ANXA11: variants seen among roughly 807,000 people sequenced by gnomAD.
ANXA11 encodes 56 kDa autoantigen.
A neutral mutation model predicts 64.7 loss-of-function variants in ANXA11; 57 were observed. The ratio of observed to expected loss-of-function variants is 0.88; its 90% CI spans 0.71 to 1.10. The LOEUF (loss-of-function observed/expected upper bound fraction) is 1.10. Ranked by LOEUF, ANXA11 falls within the 50% of genes least tolerant of loss-of-function variation. The pLI is 0.00. For synonymous variants in ANXA11, 260 were observed against 265.2 expected, an observed-to-expected ratio of 0.98 and a Z score of 0.19; for missense variants, 675 against 670.7, an observed-to-expected ratio of 1.01 and a Z score of -0.07.
chr10:80,155,920 C>A lies in ANXA11; in HGVS notation c.1459-8G>T. On this transcript the variant is annotated splice_polypyrimidine_tract_variant and splice_region_variant and intron_variant, in intron 15 of 15. Transcript: ENST00000422982. Reference sequence around the variant, plus strand: ...ATCCCCTGAAGTATCTCCCTGGCCACAGAAACAAGGAAGACATCCGTTAAG... The same window carrying A: ...ATCCCCTGAAGTATCTCCCTGGCCAAAGAAACAAGGAAGACATCCGTTAAG... The A allele has an allele frequency of 2.5e-6, 4 of 1,613,924 alleles. No homozygotes were observed. The East Asian group carries it at 8.9e-5, about 36-fold the overall frequency.
At chr10:80,177,088 T>A (rs576949389) in intron 1 of ANXA11, among the ~76,000 whole-genome samples, 20 of 151,710 alleles carry the variant, frequency 1.3e-4, no homozygotes, top group African/African-American at 4.6e-4. Flanking sequence ...CAAGCAATTC[T>A]CCTGCCCTAG....
chr10:80,201,348 T>C (rs1373781141), intron 1 of ANXA11, among the ~76,000 whole-genome samples: 2 of 152,264 alleles, frequency 1.3e-5, no homozygotes, highest in East Asian at 1.9e-4. Flanking sequence ...CATCTTCCTT[T>C]ACTCAGCTGT....
At chr10:80,159,554 A>G (rs956682290) in intron 12 of ANXA11, among the ~76,000 whole-genome samples, 1 of 152,178 alleles carries the variant, frequency 6.6e-6, no homozygotes, top group Non-Finnish European at 1.5e-5. Context: ...TAAGCCACCC[A>G]GTCTGTGGTA....
chr10:80,158,422 T>A (rs929854430), intron 13 of ANXA11, among the ~76,000 whole-genome samples: 2 of 152,028 alleles, frequency 1.3e-5, no homozygotes, highest in Non-Finnish European at 2.9e-5. Flanking sequence ...CTGAGTGGAA[T>A]GTGCATCTCC....
chr10:80,198,800 A>T (rs1840283820), intron 1 of ANXA11, among the ~76,000 whole-genome samples: 1 of 152,156 alleles, frequency 6.6e-6, no homozygotes, highest in South Asian at 2.1e-4. Context: ...TTCACAACCA[A>T]ACCTGAAACG....
chr10:80,156,960 G>C, intron 15 of ANXA11: 1 of 984,922 alleles, frequency 1.0e-6, no homozygotes, highest in South Asian at 4.7e-5. Context: ...TGTGAGTTCA[G>C]AATTTGAGCG....
chr10:80,203,294 C>T (rs527768716), intron 1 of ANXA11, among the ~76,000 whole-genome samples: 40 of 152,276 alleles, frequency 2.6e-4, no homozygotes, highest in African/African-American at 4.6e-4. Context: ...TCCCCAATCA[C>T]GTGAACTAGG....
At chr10:80,185,318 G>A (rs1846500252) in intron 1 of ANXA11, among the ~76,000 whole-genome samples, 1 of 152,210 alleles carries the variant, frequency 6.6e-6, no homozygotes, top group South Asian at 2.1e-4. Context: ...GCTCAGTGCT[G>A]CCCGGAATGT....
chr10:80,158,138 T>A, intron 13 of ANXA11, 113 bp from the exon 14 acceptor site: 1 of 909,948 alleles, frequency 1.1e-6, no homozygotes, highest in East Asian at 2.4e-5. Flanking sequence ...CATCACTGCA[T>A]CCATCTTTTC....
intron 1 of ANXA11, among the ~76,000 whole-genome samples, chr10:80,196,945 G>A (rs897719295): frequency 6.6e-6 from 1 of 152,154 alleles, no homozygotes; most frequent in Non-Finnish European, 1.5e-5. Context: ...CTCACCAAGG[G>A]GCTGAACTTG....
intron 3 of ANXA11, among the ~76,000 whole-genome samples, chr10:80,172,541 A>T (rs190456942): frequency 2.5e-4 from 38 of 152,258 alleles, no homozygotes; most frequent in Admixed American, 1.0e-3. Context: ...GTTACTAGAG[A>T]GTAAGGCAAG....
intron 1 of ANXA11, among the ~76,000 whole-genome samples, chr10:80,203,141 C>T (rs1403018330): frequency 6.6e-6 from 1 of 151,946 alleles, no homozygotes; most frequent in Non-Finnish European, 1.5e-5. Context: ...TCTGATGTTC[C>T]AGCATTCAGC....
intron 1 of ANXA11, among the ~76,000 whole-genome samples, chr10:80,190,865 C>T (rs1305967441): frequency 2.0e-5 from 3 of 150,712 alleles, no homozygotes; most frequent in Non-Finnish European, 4.4e-5. Flanking sequence ...CCAAGGTGGG[C>T]GGACTGCATG....
intron 1 of ANXA11, among the ~76,000 whole-genome samples, chr10:80,198,927 G>A (rs577321894): frequency 6.6e-6 from 1 of 152,240 alleles, no homozygotes; most frequent in African/African-American, 2.4e-5. Context: ...ATAAAATCAA[G>A]TATATCTGGT....
At chr10:80,202,100 T>C (rs1840451386) in intron 1 of ANXA11, among the ~76,000 whole-genome samples, 1 of 148,672 alleles carries the variant, frequency 6.7e-6, no homozygotes, top group South Asian at 2.1e-4. Flanking sequence ...AACATTGTCA[T>C]CACCACCCGC....
At chr10:80,196,805 T>C (rs1482213265) in intron 1 of ANXA11, among the ~76,000 whole-genome samples, 3 of 152,162 alleles carry the variant, frequency 2.0e-5, no homozygotes, top group South Asian at 2.1e-4. Context: ...GGAACTAAAA[T>C]AGCTGTAGCG....
At chr10:80,164,198 C>T in intron 8 of ANXA11, 55 bp from the exon 9 acceptor site, 1 of 1,469,098 alleles carries the variant, frequency 6.8e-7, no homozygotes, top group Non-Finnish European at 9.5e-7. Flanking sequence ...GCCTCACCAG[C>T]ACTCGGGAAG....
intron 7 of ANXA11, 88 bp from the exon 8 acceptor site, chr10:80,166,285 C>A: frequency 1.3e-6 from 1 of 761,358 alleles, no homozygotes; most frequent in Non-Finnish European, 2.2e-6. Flanking sequence ...AGAGCCATAT[C>A]CCAGATTTGA....
chr10:80,190,867 G>A (rs1241152723), intron 1 of ANXA11, among the ~76,000 whole-genome samples: 1 of 151,666 alleles, frequency 6.6e-6, no homozygotes, highest in African/African-American at 2.4e-5. Context: ...AAGGTGGGCG[G>A]ACTGCATGAG....
Sources: gnomAD v4.1 joint callset for allele counts (sites outside exome capture counted in the v4.1 genomes callset) on GRCh38, gnomAD v4.1.1 for gene constraint, MANE v1.5 for transcripts, NCBI Gene and HGNC (gene_info 2026-07-23, HGNC 2026-07-21) for gene names.